The following HIPK2 variants were observed in gnomAD, a reference collection of about 807,000 sequenced individuals.
HIPK2 encodes the protein homeodomain-interacting protein kinase 2.
In HIPK2, 27 loss-of-function variants were observed where a neutral mutation model predicts 113.7. The ratio of observed to expected loss-of-function variants is 0.24; its 90% CI spans 0.17 to 0.33. The LOEUF (loss-of-function observed/expected upper bound fraction) is 0.33. Ranked by LOEUF, HIPK2 falls within the 10% of genes least tolerant of loss-of-function variation. The pLI is 1.00. For missense variants in HIPK2, 1,257 were observed against 1,588.0 expected (o/e 0.79, Z 3.54); for synonymous variants, 631 against 642.2 (o/e 0.98, Z 0.26).
At position 139,777,681 on chromosome 7, in the gene HIPK2, C is replaced by T; in HGVS notation, c.-58G>A. ...GGGACGGGAAAGCGGCGCGCGAGCTCGGCCCCCCCAGCCTCAGTCGGAATC... is the reference window on the plus strand; with the variant it reads ...GGGACGGGAAAGCGGCGCGCGAGCTTGGCCCCCCCAGCCTCAGTCGGAATC... On this transcript the variant is annotated 5_prime_UTR_variant, in exon 1 of 15. Transcript: ENST00000406875. 2 of 1,072,774 alleles carry T rather than the reference C, an allele frequency of 1.9e-6. No individual in the cohort carries two copies. Among genetic ancestry groups the T allele is most frequent in the African/African-American group, 1.7e-5 (1 of 58,662 alleles). 66.5% of individuals were successfully genotyped at this position (1,072,774 alleles called of 1,614,324 possible). A position where few individuals can be genotyped will look rare whatever the true frequency, so the allele number is the denominator to read the frequency against.
chr7:139,660,232 A>T (rs1801820012), intron 2 of HIPK2, among the ~76,000 whole-genome samples: 1 of 152,224 alleles, frequency 6.6e-6, no homozygotes, highest in South Asian at 2.1e-4. Flanking sequence ...AAAATGGCAA[A>T]GCCTATAGGG....
chr7:139,662,780 C>T (rs1036330034), intron 2 of HIPK2, among the ~76,000 whole-genome samples: 12 of 152,094 alleles, frequency 7.9e-5, no homozygotes, highest in African/African-American at 2.9e-4. Flanking sequence ...CCACCACACC[C>T]AGCTAATCTT....
At chr7:139,760,475 C>G (rs1351829011) in intron 1 of HIPK2, among the ~76,000 whole-genome samples, 1 of 152,124 alleles carries the variant, frequency 6.6e-6, no homozygotes, top group African/African-American at 2.4e-5. Flanking sequence ...TTTTAGAACA[C>G]AGTATTTTTA....
At chr7:139,622,453 CG>C (rs1356652299) in intron 6 of HIPK2, among the ~76,000 whole-genome samples, 1 of 152,164 alleles carries the variant, frequency 6.6e-6, no homozygotes, top group Admixed American at 6.5e-5. Flanking sequence ...CATTTGGTTT[CG>C]TGACAATTCA....
chr7:139,718,288 G>C (rs911904594), intron 1 of HIPK2, among the ~76,000 whole-genome samples: 10 of 152,222 alleles, frequency 6.6e-5, no homozygotes, highest in Admixed American at 6.5e-4. Flanking sequence ...GCACAAGGAA[G>C]TGCAGCTTCT....
chr7:139,650,940 G>GA (rs1175305605), intron 2 of HIPK2, among the ~76,000 whole-genome samples: 5 of 152,248 alleles, frequency 3.3e-5, no homozygotes, highest in Non-Finnish European at 7.3e-5. Flanking sequence ...ACTGGAGTGG[G>GA]AATCGTCCTG....
chr7:139,716,246 G>A lies in HIPK2; in HGVS notation c.789C>T (p.Ala263=), dbSNP rs769464237. Residue 263 remains alanine, a synonymous_variant, in exon 2 of 15, where the codon GCC becomes GCT. Transcript: ENST00000406875. This position sits in a 1 kb window ranked among gnomAD's most constrained non-coding sequence, Gnocchi z 9.3. ...GGTTCTTGTGCTGGAAGCATTCGTAGGCCCGGACGAAGTTATAGTCATCGG... is the reference window on the plus strand; with the variant it reads ...GGTTCTTGTGCTGGAAGCATTCGTAAGCCCGGACGAAGTTATAGTCATCGG... ...ESADDYNFVR[A]YECFQHKNHT... 6.2e-7 allele frequency: 1 copy of A among 1,614,056 alleles called. No individual in the cohort carries two copies. Among genetic ancestry groups the A allele is most frequent in the East Asian group, 2.2e-5 (1 of 44,886 alleles).
In HIPK2 at chr7:139,626,646, G is replaced by A. The variant is rs887179043; in HGVS notation, c.1574C>T (p.Pro525Leu). ...GAGTAAGTGTGTCATGGTGACAAAGGGATGGTTCAGGGTTTCGATTGGAGT... is the reference window on the plus strand; with the variant it reads ...GAGTAAGTGTGTCATGGTGACAAAGAGATGGTTCAGGGTTTCGATTGGAGT... ...RITPIETLNH[P>L]FVTMTHLLDF... Residue 525 changes from proline to leucine, a missense_variant, in exon 6 of 15, where the codon CCC becomes CTC. By Grantham distance (98) the Pro-to-Leu change is moderately conservative (BLOSUM62 -3). Around this residue, in one of 5 missense-constraint regions of HIPK2, gnomAD observed 862 missense variants for 1,004.3 expected, o/e 0.86. Transcript: ENST00000406875. 27 of 1,613,824 alleles carry A rather than the reference G, an allele frequency of 1.7e-5. No individual in the cohort carries two copies. Among genetic ancestry groups the A allele is most frequent in the Non-Finnish European group, 2.3e-5 (27 of 1,179,892 alleles).
At chr7:139,669,676 G>A (rs1178634140) in intron 2 of HIPK2, among the ~76,000 whole-genome samples, 3 of 152,110 alleles carry the variant, frequency 2.0e-5, no homozygotes, top group African/African-American at 7.2e-5. Flanking sequence ...CACATTAAGT[G>A]ATGAAATAAA....
chr7:139,756,715 G>A (rs539445078), intron 1 of HIPK2, among the ~76,000 whole-genome samples: 10 of 152,290 alleles, frequency 6.6e-5, no homozygotes, highest in South Asian at 2.1e-4. Flanking sequence ...ATGAGCCACC[G>A]CATCCAGTCA....
intron 2 of HIPK2, among the ~76,000 whole-genome samples, chr7:139,660,537 C>T (rs1010081311): frequency 1.3e-5 from 2 of 152,246 alleles, no homozygotes; most frequent in Non-Finnish European, 2.9e-5. Context: ...CTGAGGTCAA[C>T]CCAAAGGCCC....
chr7:139,757,208 T>C (rs1464627852), intron 1 of HIPK2, among the ~76,000 whole-genome samples: 1 of 152,198 alleles, frequency 6.6e-6, no homozygotes, highest in Non-Finnish European at 1.5e-5. Context: ...ACAAACCACA[T>C]ATCAGTCAAA....
intron 11 of HIPK2, 127 bp from the exon 12 acceptor site, chr7:139,597,125 T>G: frequency 1.0e-6 from 1 of 975,808 alleles, no homozygotes; most frequent in Non-Finnish European, 1.5e-6. Context: ...GGCTGCCCAA[T>G]GAGCCTCCAT....
Position 139,596,834 on chromosome 7 carries a change from G to A in HIPK2, c.2600C>T (p.Thr867Ile). Residue 867 changes from threonine (T) to isoleucine (I), a missense_variant, in exon 12 of 15, where the codon ACC becomes ATC. Transcript: ENST00000406875. ...CGWGDVASST[T>I]RERQRQTIVI... is the part of the protein sequence containing the mutation. ...AATTGTCTGCCGCTGCCGTTCCCGG[G>A]TGGTGCTGGAGGCCACGTCGCCCCA... The A allele has an allele frequency of 6.2e-7, 1 of 1,614,000 alleles. No individual in the cohort carries two copies. The highest frequency in any genetic ancestry group is 8.5e-7 in the Non-Finnish European group (1 of 1,179,882).
At position 139,777,612 on chromosome 7, in the gene HIPK2, C is replaced by A; in HGVS notation, c.12G>T (p.Val4=). The A allele has an allele frequency of 9.3e-7, 1 of 1,073,132 alleles. No homozygotes were observed. The highest frequency in any genetic ancestry group is 2.7e-4 in the Middle Eastern group (1 of 3,714). The allele number at this position is 1,073,132 out of a possible 1,614,324, so 66.5% of individuals were successfully genotyped here. The change falls in exon 1 of 15, where the codon GTG becomes GTT. Residue 4 remains valine, a synonymous_variant. Coordinates refer to ENST00000406875, the MANE Select transcript of HIPK2 (RefSeq NM_022740.5). MAP[V]YEGMASHVQV... ...GGGCCGGGCGCCCCTTACCTTCGTA[C>A]ACGGGGGCCATCGGGGCCGGGGTGT...
At chr7:139,738,563 G>A (rs76887030) in intron 1 of HIPK2, among the ~76,000 whole-genome samples, 62 of 152,252 alleles carry the variant, frequency 4.1e-4, no homozygotes, top group African/African-American at 1.4e-3. Context: ...GTCATATAAC[G>A]ATCATTCGTG....
At chr7:139,701,153 G>A (rs1336507367) in intron 2 of HIPK2, among the ~76,000 whole-genome samples, 3 of 152,286 alleles carry the variant, frequency 2.0e-5, no homozygotes, top group South Asian at 2.1e-4. Context: ...GCAGTGAACC[G>A]GCATCACTCC....
chr7:139,573,195 G>A lies in HIPK2; in HGVS notation c.3329C>T (p.Ala1110Val). Residue 1110 changes from alanine (A) to valine (V), a missense_variant, in exon 15 of 15, where the codon GCC (alanine) becomes GTC (valine). Around this residue, in one of 5 missense-constraint regions of HIPK2, gnomAD observed 862 missense variants for 1,004.3 expected, o/e 0.86. Transcript: ENST00000406875. ...PHLYTYTAPAALGSTGTVAHL... is the reference protein window; with the variant it reads ...PHLYTYTAPAVLGSTGTVAHL... ...GGCCACGGTGCCGGTGGAGCCCAGG[G>A]CCGCCGGCGCAGTGTAGGTGTAGAG... is the stretch of plus-strand genomic sequence containing the variant. The A allele has an allele frequency of 1.2e-6, 2 of 1,607,158 alleles. No homozygotes were observed. Among genetic ancestry groups the A allele is most frequent in the African/African-American group, 1.3e-5 (1 of 74,984 alleles).
At chr7:139,638,732 A>G (rs1418614229) in intron 2 of HIPK2, among the ~76,000 whole-genome samples, 1 of 143,768 alleles carries the variant, frequency 7.0e-6, no homozygotes, top group Non-Finnish European at 1.5e-5. Flanking sequence ...ATCTTGGCTC[A>G]CTGCCAGCTC....
Sources: gnomAD v4.1 joint callset for allele counts (sites outside exome capture counted in the v4.1 genomes callset) on GRCh38, gnomAD v4.1.1 for gene constraint, gnomAD v4.1.1 regional missense constraint, Gnocchi (gnomAD v3.1) non-coding constraint, MANE v1.5 for transcripts, NCBI Gene and HGNC (gene_info 2026-07-23, HGNC 2026-07-21) for gene names.